PRUNE2: variants seen among roughly 807,000 people sequenced by gnomAD.
PRUNE2 encodes the protein protein prune homolog 2.
A neutral mutation model predicts 252.0 loss-of-function variants in PRUNE2; 164 were observed. The ratio of observed to expected loss-of-function variants is 0.65; its 90% CI spans 0.57 to 0.74. The LOEUF is 0.74. Ranked by LOEUF, PRUNE2 falls within the 30% of genes least tolerant of loss-of-function variation. The pLI is 0.00. For missense variants in PRUNE2, 3,495 were observed against 3,711.0 expected (o/e 0.94, Z 1.51); for synonymous variants, 1,292 against 1,350.2 (o/e 0.96, Z 0.94).
rs975568397 is a variant in PRUNE2, at chr9:76,706,103, A to G, written c.6171T>C (p.Phe2057=). ...CAGAGGCCAGCTGCCCACCCTCTTG[A>G]AAGTTGCCATGTAAAATATCTGGCA... ...TFVPDILHGN[F]QEGGQLASAA... The change falls in exon 8 of 19, where the codon TTT becomes TTC. Residue 2057 remains phenylalanine (F), a synonymous_variant. Transcript: ENST00000376718. The G allele has an allele frequency of 6.2e-7, 1 of 1,614,030 alleles. No individual in the cohort carries two copies. Among genetic ancestry groups the G allele is most frequent in the South Asian group, 1.1e-5 (1 of 91,080 alleles).
At chr9:76,858,064 AACAG>A (rs1425332781) in intron 1 of PRUNE2, among the ~76,000 whole-genome samples, 1 of 152,196 alleles carries the variant, frequency 6.6e-6, no homozygotes, top group Non-Finnish European at 1.5e-5. Flanking sequence ...ATGATTCACA[AACAG>A]ACAAATCATG....
At chr9:76,822,908 T>TAA (rs2058117558) in intron 6 of PRUNE2, among the ~76,000 whole-genome samples, 1 of 152,144 alleles carries the variant, frequency 6.6e-6, no homozygotes, top group Admixed American at 6.5e-5. Context: ...ACCTAAGAGC[T>TAA]AAGTGCCCAA....
chr9:76,776,739 T>C (rs906800858), intron 6 of PRUNE2, among the ~76,000 whole-genome samples: 2 of 151,648 alleles, frequency 1.3e-5, no homozygotes, highest in African/African-American at 4.8e-5. Flanking sequence ...GATCTCGAAC[T>C]CCTAACCTCA....
chr9:76,811,906 T>G (rs1481886621), intron 6 of PRUNE2, among the ~76,000 whole-genome samples: 1 of 152,158 alleles, frequency 6.6e-6, no homozygotes, highest in African/African-American at 2.4e-5. Flanking sequence ...CAGTACTACC[T>G]AGGCAGAAGA....
chr9:76,638,864 G>A (rs943509359), intron 12 of PRUNE2, among the ~76,000 whole-genome samples: 2 of 152,164 alleles, frequency 1.3e-5, no homozygotes, highest in Non-Finnish European at 2.9e-5. Context: ...TTGATTTCGA[G>A]GCCTGCAGTG....
chr9:76,677,484 T>C (rs1249876187), intron 9 of PRUNE2, among the ~76,000 whole-genome samples: 2 of 152,200 alleles, frequency 1.3e-5, no homozygotes, highest in East Asian at 3.9e-4. Flanking sequence ...AACATTTCCA[T>C]CTGGATGACC....
At chr9:76,639,461 A>C (rs1401373843) in intron 12 of PRUNE2, among the ~76,000 whole-genome samples, 1 of 152,224 alleles carries the variant, frequency 6.6e-6, no homozygotes, top group African/African-American at 2.4e-5. Context: ...ACTGCCCTCC[A>C]GCCTGGGTGA....
intron 1 of PRUNE2, among the ~76,000 whole-genome samples, chr9:76,873,759 A>G (rs1259778958): frequency 5.3e-5 from 8 of 152,368 alleles, no homozygotes; most frequent in Admixed American, 3.9e-4. Flanking sequence ...CCGATACACA[A>G]TATCGATGGC....
chr9:76,800,547 C>G (rs541987130), intron 6 of PRUNE2, among the ~76,000 whole-genome samples: 2 of 152,338 alleles, frequency 1.3e-5, no homozygotes, highest in African/African-American at 4.8e-5. Context: ...TCCAACTCTT[C>G]TTTTTCACCT....
intron 6 of PRUNE2, among the ~76,000 whole-genome samples, chr9:76,743,396 A>G (rs758838299): frequency 6.6e-5 from 10 of 152,262 alleles, no homozygotes; most frequent in Non-Finnish European, 1.5e-4. Flanking sequence ...CTATGTAGAG[A>G]TATACACGTG....
At chr9:76,868,163 C>T (rs1349663929) in intron 1 of PRUNE2, among the ~76,000 whole-genome samples, 1 of 152,072 alleles carries the variant, frequency 6.6e-6, no homozygotes, top group Non-Finnish European at 1.5e-5. Flanking sequence ...CAAGAAAAAA[C>T]CTCATATGAC....
chr9:76,739,112 C>A (rs1471105210), intron 6 of PRUNE2: 4 of 152,130 alleles, frequency 2.6e-5, no homozygotes, highest in Non-Finnish European at 5.9e-5. Context: ...GCATGGATTA[C>A]CTCGTATATT....
At chr9:76,674,183 A>G (rs1409300035) in intron 9 of PRUNE2, among the ~76,000 whole-genome samples, 1 of 140,826 alleles carries the variant, frequency 7.1e-6, no homozygotes, top group Non-Finnish European at 1.6e-5. Flanking sequence ...AATCTCCTTA[A>G]GCTGATAAGC....
In PRUNE2 at chr9:76,613,902, A is replaced by G. The variant is rs1828230162; in HGVS notation, c.*668T>C. The G allele has an allele frequency of 1.3e-5, 2 of 149,114 alleles. No individual in the cohort carries two copies. Among genetic ancestry groups the G allele is most frequent in the Non-Finnish European group, 2.9e-5 (2 of 67,906 alleles). 9.2% of individuals were successfully genotyped at this position (149,114 alleles called of 1,614,324 possible). ...ATTTCACAATGTGGTGGTCACCAAC[A>G]TTCATCAGGAAAATGATGTTAAAAG... On this transcript the variant is annotated 3_prime_UTR_variant, in exon 19 of 19. Coordinates refer to ENST00000376718, the MANE Select transcript of PRUNE2 (RefSeq NM_015225.3).
In PRUNE2 at chr9:76,876,413, A is replaced by G. The variant is rs141599817; in HGVS notation, c.37-22205T>C. ...ACAATACTGACCCTTTTTGGGGGCCAGATTCCCCTGGACTTTTCAGAAATT... is the reference window on the plus strand; with the variant it reads ...ACAATACTGACCCTTTTTGGGGGCCGGATTCCCCTGGACTTTTCAGAAATT... On this transcript the variant is annotated intron_variant, in intron 1 of 18. Coordinates refer to ENST00000376718, the MANE Select transcript of PRUNE2 (RefSeq NM_015225.3). Among the ~76,000 whole-genome samples the G allele has an allele frequency of 4.3e-3, 662 of 152,268 alleles. 3 individuals carry two copies. The highest frequency in any genetic ancestry group is 0.015 in the African/African-American group (628 of 41,554).
intron 4 of PRUNE2, among the ~76,000 whole-genome samples, chr9:76,837,444 TAATAATAATAATA>T (rs1313651116): frequency 8.9e-6 from 1 of 112,616 alleles, no homozygotes; most frequent in Admixed American, 8.9e-5. Context: ...CTGTCTCAAA[TAATAATAATAATA>T]ATAATAATAA....
chr9:76,674,303 C>T (rs1220293188), intron 9 of PRUNE2, among the ~76,000 whole-genome samples: 2 of 152,200 alleles, frequency 1.3e-5, no homozygotes, highest in Non-Finnish European at 2.9e-5. Flanking sequence ...CTCCCATTCG[C>T]AATTGCTTCA....
intron 4 of PRUNE2, among the ~76,000 whole-genome samples, chr9:76,827,032 A>G (rs928836410): frequency 6.6e-6 from 1 of 152,208 alleles, no homozygotes; most frequent in African/African-American, 2.4e-5. Flanking sequence ...CCACACAAAC[A>G]CACAAAAAGA....
chr9:76,885,748 T>G (rs952724680), intron 1 of PRUNE2, among the ~76,000 whole-genome samples: 1 of 152,152 alleles, frequency 6.6e-6, no homozygotes, highest in African/African-American at 2.4e-5. Flanking sequence ...TGAGTATAGC[T>G]AGTTACTCAC....
Sources: allele counts gnomAD v4.1 joint callset (sites outside exome capture counted in the v4.1 genomes callset), GRCh38; gene constraint gnomAD v4.1.1; transcripts MANE v1.5; gene names NCBI Gene and HGNC (gene_info 2026-07-23, HGNC 2026-07-21).